Variants in NCOR1 observed in about 807,000 individuals in gnomAD.
NCOR1 encodes protein phosphatase 1, regulatory subunit 109.
In NCOR1, 63 loss-of-function variants were observed where a neutral mutation model predicts 288.1. The ratio of observed to expected loss-of-function variants is 0.22; its 90% CI spans 0.18 to 0.27. The LOEUF (loss-of-function observed/expected upper bound fraction) is 0.27. Ranked by LOEUF, NCOR1 falls within the 10% of genes least tolerant of loss-of-function variation. The pLI is 1.00. For synonymous variants in NCOR1, 1,007 were observed against 1,065.9 expected (o/e 0.94, Z 1.08); for missense variants, 2,397 against 3,019.2 (o/e 0.79, Z 4.83).
chr17:16,112,781 A>C (rs1325336949), intron 18 of NCOR1, among the ~76,000 whole-genome samples: 4 of 151,928 alleles, frequency 2.6e-5, no homozygotes, highest in African/African-American at 9.7e-5. Flanking sequence ...GAGCCACTGC[A>C]CCTGGCCAAA....
chr17:16,051,204 T>C (rs2059270682), intron 40 of NCOR1, among the ~76,000 whole-genome samples: 1 of 152,218 alleles, frequency 6.6e-6, no homozygotes, highest in Admixed American at 6.5e-5. Context: ...TTTTCTTTTT[T>C]AAAAATGAAG....
Position 16,046,842 on chromosome 17 carries a change from G to C in NCOR1, c.6679+109C>G, listed in dbSNP as rs1294513386. On this transcript the variant is annotated intron_variant, in intron 42 of 45. Transcript: ENST00000268712. The stretch of plus-strand genomic sequence containing the variant: ...ACTCTAGGATCAGATGTGTTGGACA[G>C]ATGTCCTGTAAAGAGCCTTCAAACT... 4 of 1,274,962 alleles carry C rather than the reference G, an allele frequency of 3.1e-6. No homozygotes were observed. In the East Asian group the frequency reaches 7.4e-5, roughly 23 times the overall value. 79.0% of individuals were successfully genotyped at this position (1,274,962 alleles called of 1,614,324 possible).
chr17:16,067,122 C>G (rs2061217009), intron 32 of NCOR1, among the ~76,000 whole-genome samples: 1 of 152,234 alleles, frequency 6.6e-6, no homozygotes, highest in Non-Finnish European at 1.5e-5. Flanking sequence ...GTGACTGCTC[C>G]TCTCCCCTCC....
chr17:16,182,641 A>G (rs1413019960), intron 3 of NCOR1, among the ~76,000 whole-genome samples: 1 of 152,054 alleles, frequency 6.6e-6, no homozygotes, highest in Non-Finnish European at 1.5e-5. Context: ...TTTTTAGTAG[A>G]TGAGGTTTCA....
At chr17:16,189,556 AG>A (rs141445270) in intron 2 of NCOR1, among the ~76,000 whole-genome samples, 4,722 of 152,240 alleles carry the variant, frequency 0.031, 244 homozygotes, top group African/African-American at 0.11. Context: ...TAGAAACCAC[AG>A]GAAAAAAGTT....
At chr17:16,117,505 T>C (rs1393526206) in intron 18 of NCOR1, among the ~76,000 whole-genome samples, 1 of 129,774 alleles carries the variant, frequency 7.7e-6, no homozygotes, top group Non-Finnish European at 1.6e-5. Flanking sequence ...AACCAATCTC[T>C]GGAGCTCAGA....
intron 45 of NCOR1, 85 bp from the exon 46 acceptor site, chr17:16,032,568 A>G: frequency 7.6e-7 from 1 of 1,311,258 alleles, no homozygotes; most frequent in Non-Finnish European, 1.0e-6. Context: ...GGAGTAGAAT[A>G]GGATTATTGT....
intron 15 of NCOR1, 118 bp from the exon 16 acceptor site, chr17:16,121,387 C>CA (rs11410605): frequency 0.4 from 216,583 of 545,324 alleles, 22,244 homozygotes; most frequent in Middle Eastern, 0.43. Context: ...ATCTCTCACT[C>CA]AAAAAAAAAA....
At chr17:16,100,735 T>G (rs1365337686) in intron 20 of NCOR1, among the ~76,000 whole-genome samples, 1 of 152,268 alleles carries the variant, frequency 6.6e-6, no homozygotes, top group Admixed American at 6.5e-5. Flanking sequence ...TACAAAAAAG[T>G]GGTCATAATT....
At chr17:16,081,214 GT>G (rs66769265) in intron 23 of NCOR1, among the ~76,000 whole-genome samples, 8 of 136,440 alleles carry the variant, frequency 5.9e-5, no homozygotes, top group Admixed American at 1.5e-4. Flanking sequence ...TTTTCTTTTT[GT>G]TTTTTTTTTT....
chr17:16,210,018 C>A (rs1293556549), intron 1 of NCOR1, among the ~76,000 whole-genome samples: 1 of 151,846 alleles, frequency 6.6e-6, no homozygotes, highest in Non-Finnish European at 1.5e-5. Flanking sequence ...TGAAATCCTT[C>A]ATACTTAAAA....
At chr17:16,116,731 T>G (rs1176117461) in intron 18 of NCOR1, among the ~76,000 whole-genome samples, 1 of 152,222 alleles carries the variant, frequency 6.6e-6, no homozygotes, top group Non-Finnish European at 1.5e-5. Flanking sequence ...AACTTTATGT[T>G]TACTTCCCAT....
At chr17:16,117,585 G>A (rs1027653946) in intron 18 of NCOR1, among the ~76,000 whole-genome samples, 19 of 151,634 alleles carry the variant, frequency 1.3e-4, no homozygotes, top group Non-Finnish European at 7.4e-5. Flanking sequence ...CACTTTGGGA[G>A]GCTGAGACAG....
chr17:16,151,200 A>AT (rs573897858), intron 8 of NCOR1, among the ~76,000 whole-genome samples: 5,362 of 145,504 alleles, frequency 0.037, 316 homozygotes, highest in African/African-American at 0.12. Flanking sequence ...TTAAAGTATA[A>AT]TTTTTTTTTT....
intron 1 of NCOR1, among the ~76,000 whole-genome samples, chr17:16,205,569 T>C (rs954167654): frequency 1.1e-4 from 17 of 149,678 alleles, no homozygotes; most frequent in African/African-American, 4.2e-4. Flanking sequence ...TGCAGTGAGC[T>C]GAGATTGTGC....
chr17:16,181,227 G>A (rs541455150), intron 3 of NCOR1, among the ~76,000 whole-genome samples: 7,659 of 142,304 alleles, frequency 0.054, 242 homozygotes, highest in East Asian at 0.1. Flanking sequence ...GTGTGTGTGT[G>A]TGTGTGTGTG....
chr17:16,120,902 C>T (rs929980319), intron 16 of NCOR1, 150 bp downstream of exon 16: 1 of 671,774 alleles, frequency 1.5e-6, no homozygotes, highest in South Asian at 3.1e-5. Flanking sequence ...TTTCAAAAAA[C>T]TTTGACATTA....
At chr17:16,064,839 AT>A (rs753736084) in intron 34 of NCOR1, 30 bp downstream of exon 34, 17 of 1,532,934 alleles carry the variant, frequency 1.1e-5, no homozygotes, top group South Asian at 3.8e-5. Context: ...TGATGGTTCT[AT>A]TAGAGAGGTG....
chr17:16,037,848 A>G (rs2056735790), intron 44 of NCOR1, among the ~76,000 whole-genome samples: 2 of 152,208 alleles, frequency 1.3e-5, no homozygotes, highest in South Asian at 2.1e-4. Context: ...TCTAAAAGAA[A>G]ACATCAAAAA....
Sources: allele counts gnomAD v4.1 joint callset (sites outside exome capture counted in the v4.1 genomes callset), GRCh38; gene constraint gnomAD v4.1.1; transcripts MANE v1.5; gene names NCBI Gene and HGNC (gene_info 2026-07-23, HGNC 2026-07-21).